The following COMMD1 variants were observed in gnomAD, a reference collection of about 807,000 sequenced individuals.
COMMD1 encodes COMM domain-containing protein 1.
In COMMD1, 10 loss-of-function variants were observed where a neutral mutation model predicts 17.2. That is an observed-to-expected ratio of 0.58 (90% CI 0.36 to 0.99). COMMD1 has a LOEUF of 0.99. Ranked by LOEUF, COMMD1 falls within the 50% of genes least tolerant of loss-of-function variation. COMMD1 has a pLI of 0.01. For synonymous variants in COMMD1, 97 were observed against 91.6 expected (o/e 1.06, Z -0.34); for missense variants, 270 against 231.8 (o/e 1.17, Z -1.07).
chr2:61,982,379 G>GT (rs1671978139), intron 1 of COMMD1, among the ~76,000 whole-genome samples: 1 of 152,002 alleles, frequency 6.6e-6, no homozygotes, highest in Non-Finnish European at 1.5e-5. Flanking sequence ...AGTTGTAATG[G>GT]TTTTTTTGGT....
intron 2 of COMMD1, among the ~76,000 whole-genome samples, chr2:62,044,837 T>TAAA (rs542859899): frequency 8.5e-6 from 1 of 117,038 alleles, no homozygotes; most frequent in South Asian, 2.9e-4. Context: ...GCTCCTAACT[T>TAAA]AAAAAAAAAA....
chr2:62,098,900 T>C (rs1672095183), intron 2 of COMMD1, among the ~76,000 whole-genome samples: 1 of 152,212 alleles, frequency 6.6e-6, no homozygotes, highest in African/African-American at 2.4e-5. Context: ...TCATAAGTCT[T>C]AAGTGTTAAT....
chr2:62,117,415 A>G (rs1672637430), intron 2 of COMMD1, among the ~76,000 whole-genome samples: 1 of 152,254 alleles, frequency 6.6e-6, no homozygotes, highest in Admixed American at 6.5e-5. Context: ...GTGGGTAATT[A>G]GTGCCTATTA....
At position 61,895,636 on chromosome 2, in the gene COMMD1, C is replaced by T. The variant is rs142846267; in HGVS notation, n.119+6794C>T. ...AAAGAGACCCAGGGGTGATATGCTA[C>T]CCATGCCCCAGGAAGCAGGCCTGCA... On this transcript the variant is annotated intron_variant and non_coding_transcript_variant, in intron 1 of 2. Coordinates refer to the COMMD1 transcript ENST00000472729. Among the ~76,000 whole-genome samples the T allele has an allele frequency of 5.9e-4, 90 of 152,246 alleles. 3 individuals carry two copies. In the East Asian group the frequency reaches 0.014, roughly 23 times the overall value.
chr2:62,097,277 T>C (rs1458126827), intron 2 of COMMD1, among the ~76,000 whole-genome samples: 1 of 152,226 alleles, frequency 6.6e-6, no homozygotes, highest in African/African-American at 2.4e-5. Flanking sequence ...TTTGTCTAAA[T>C]CGTCCTGAAT....
intron 1 of COMMD1, among the ~76,000 whole-genome samples, chr2:61,916,601 A>AT (rs1314354075): frequency 1.3e-5 from 2 of 151,244 alleles, no homozygotes; most frequent in Non-Finnish European, 3.0e-5. Flanking sequence ...TAAAAAAAAA[A>AT]TTTTTTTTAG....
chr2:61,958,791 T>G (rs1671264219), intron 1 of COMMD1, among the ~76,000 whole-genome samples: 3 of 152,194 alleles, frequency 2.0e-5, no homozygotes, highest in Admixed American at 6.5e-5. Context: ...TTTCATAGTA[T>G]TTATTTATAA....
At chr2:61,998,892 A>G (rs908787087) in intron 1 of COMMD1, among the ~76,000 whole-genome samples, 3 of 152,236 alleles carry the variant, frequency 2.0e-5, no homozygotes, top group Non-Finnish European at 4.4e-5. Flanking sequence ...CAAGACATTT[A>G]TCAATTAGTT....
At chr2:62,002,602 T>C (rs1007066976) in intron 2 of COMMD1, among the ~76,000 whole-genome samples, 11 of 140,734 alleles carry the variant, frequency 7.8e-5, no homozygotes, top group African/African-American at 3.0e-4. Context: ...CCAAGGCAGG[T>C]GGATCACTTG....
At chr2:62,094,390 A>G (rs991080719) in intron 2 of COMMD1, among the ~76,000 whole-genome samples, 8 of 152,234 alleles carry the variant, frequency 5.3e-5, no homozygotes, top group Non-Finnish European at 1.2e-4. Context: ...TGCAGCCAGT[A>G]TAGCCCTCAG....
chr2:61,935,275 C>T (rs947562527), intron 1 of COMMD1, among the ~76,000 whole-genome samples: 1 of 152,186 alleles, frequency 6.6e-6, no homozygotes, highest in African/African-American at 2.4e-5. Flanking sequence ...AACTCAGAGA[C>T]AAATAACAGA....
At chr2:62,066,260 A>G (rs1208757728) in intron 2 of COMMD1, among the ~76,000 whole-genome samples, 1 of 151,884 alleles carries the variant, frequency 6.6e-6, no homozygotes, top group Non-Finnish European at 1.5e-5. Context: ...ACTGTGCTCT[A>G]GCCCTTAAAA....
intron 1 of COMMD1, among the ~76,000 whole-genome samples, chr2:61,938,537 A>G (rs1670659054): frequency 6.6e-6 from 1 of 152,194 alleles, no homozygotes; most frequent in Non-Finnish European, 1.5e-5. Context: ...TCACGTGCCC[A>G]CTTGGGTCTC....
chr2:62,012,605 AC>A (rs1275705950), intron 2 of COMMD1, among the ~76,000 whole-genome samples: 1 of 151,924 alleles, frequency 6.6e-6, no homozygotes, highest in Non-Finnish European at 1.5e-5. Context: ...GGAGTGAGCC[AC>A]CGCACCCGGC....
intron 2 of COMMD1, among the ~76,000 whole-genome samples, chr2:62,105,867 C>T (rs1472264352): frequency 6.6e-6 from 1 of 152,224 alleles, no homozygotes; most frequent in Non-Finnish European, 1.5e-5. Flanking sequence ...AACTCATTTA[C>T]TGCCGCAAAG....
chr2:62,048,436 C>T (rs555396439), intron 2 of COMMD1, among the ~76,000 whole-genome samples: 1 of 152,138 alleles, frequency 6.6e-6, no homozygotes, highest in South Asian at 2.1e-4. Flanking sequence ...GATCCGCCCG[C>T]CTCGCCCTCC....
chr2:61,900,531 C>T (rs1338087283), intron 1 of COMMD1, among the ~76,000 whole-genome samples: 1 of 152,324 alleles, frequency 6.6e-6, no homozygotes, highest in Admixed American at 6.5e-5. Flanking sequence ...ATCTTATTGC[C>T]ACAGAGTCTT....
chr2:62,018,617 C>A (rs977826878), intron 2 of COMMD1, among the ~76,000 whole-genome samples: 2 of 152,048 alleles, frequency 1.3e-5, no homozygotes, highest in South Asian at 4.1e-4. Context: ...ATATTTAAGG[C>A]GTAAAAAAAC....
At chr2:61,915,939 T>A (rs1296527408) in intron 1 of COMMD1, among the ~76,000 whole-genome samples, 2 of 152,148 alleles carry the variant, frequency 1.3e-5, no homozygotes, top group African/African-American at 4.8e-5. Flanking sequence ...CCTAAAGTGC[T>A]GGGATTACAG....
Sources: allele counts gnomAD v4.1 joint callset (sites outside exome capture counted in the v4.1 genomes callset), GRCh38; gene constraint gnomAD v4.1.1; transcripts MANE v1.5; gene names NCBI Gene and HGNC (gene_info 2026-07-23, HGNC 2026-07-21).